SPAG16: variants seen among roughly 807,000 people sequenced by gnomAD.
SPAG16 encodes sperm associated antigen 16, also known as sperm-associated antigen 16 protein.
SPAG16 carries 86 observed loss-of-function variants against 80.4 expected under a neutral mutation model. That is an observed-to-expected ratio of 1.07 (90% CI 0.90 to 1.28). The LOEUF (loss-of-function observed/expected upper bound fraction) is 1.28, where lower values mean the gene tolerates loss of function less well. Among genes scored for constraint, SPAG16 ranks in the 50% most tolerant of loss-of-function variants. SPAG16 has a pLI of 0.00. For missense variants in SPAG16, 870 were observed against 765.3 expected (o/e 1.14, Z -1.61); for synonymous variants, 294 against 265.9 (o/e 1.11, Z -1.03).
At chr2:213,513,648 A>T (rs911962918) in intron 10 of SPAG16, among the ~76,000 whole-genome samples, 2 of 152,188 alleles carry the variant, frequency 1.3e-5, no homozygotes, top group African/African-American at 4.8e-5. Context: ...AGTGTTATAC[A>T]TTTTCAGAGC....
chr2:213,403,333 T>C (rs1381939041), intron 9 of SPAG16, among the ~76,000 whole-genome samples: 1 of 152,200 alleles, frequency 6.6e-6, no homozygotes, highest in Non-Finnish European at 1.5e-5. Flanking sequence ...ACTAGCCCTT[T>C]GTCAGATGAG....
chr2:213,995,086 G>T (rs2046455704), intron 12 of SPAG16, among the ~76,000 whole-genome samples: 4 of 152,198 alleles, frequency 2.6e-5, no homozygotes, highest in Admixed American at 2.0e-4. Context: ...TAGTTGAGAA[G>T]ACTTCTCATG....
intron 9 of SPAG16, among the ~76,000 whole-genome samples, chr2:213,441,341 C>G (rs2070941611): frequency 6.6e-6 from 1 of 152,066 alleles, no homozygotes; most frequent in East Asian, 1.9e-4. Flanking sequence ...TAATATGGAG[C>G]AAAATGAATG....
chr2:213,514,307 C>A (rs1472961019), intron 10 of SPAG16, among the ~76,000 whole-genome samples: 1 of 151,992 alleles, frequency 6.6e-6, no homozygotes, highest in Admixed American at 6.6e-5. Flanking sequence ...ACTTTACTTC[C>A]TAAATAAATG....
intron 3 of SPAG16, among the ~76,000 whole-genome samples, chr2:213,305,331 T>G (rs1017420790): frequency 5.3e-5 from 8 of 152,186 alleles, no homozygotes; most frequent in African/African-American, 1.9e-4. Flanking sequence ...TCCTTTCTGA[T>G]TTGGATGCCC....
At chr2:213,998,236 T>C (rs2046620065) in intron 12 of SPAG16, among the ~76,000 whole-genome samples, 1 of 152,122 alleles carries the variant, frequency 6.6e-6, no homozygotes, top group African/African-American at 2.4e-5. Context: ...TGGTTTGGCT[T>C]TGTGTCCCCA....
intron 14 of SPAG16, among the ~76,000 whole-genome samples, chr2:214,129,211 C>T (rs886225045): frequency 1.3e-5 from 2 of 152,166 alleles, no homozygotes; most frequent in African/African-American, 4.8e-5. Context: ...GCAAATTCTA[C>T]CTGCCTTGGC....
chr2:213,541,032 A>C (rs1271054431), intron 10 of SPAG16, among the ~76,000 whole-genome samples: 1 of 152,270 alleles, frequency 6.6e-6, no homozygotes, highest in South Asian at 2.1e-4. Flanking sequence ...TTTCCTCTGC[A>C]TGGTTAATAT....
At chr2:213,531,229 C>T (rs2076054323) in intron 10 of SPAG16, among the ~76,000 whole-genome samples, 1 of 152,136 alleles carries the variant, frequency 6.6e-6, no homozygotes, top group Non-Finnish European at 1.5e-5. Flanking sequence ...GCAATGTGCT[C>T]AGGCTTCAAT....
At chr2:214,005,919 T>C (rs531149205) in intron 12 of SPAG16, among the ~76,000 whole-genome samples, 14 of 152,296 alleles carry the variant, frequency 9.2e-5, no homozygotes, top group Admixed American at 5.2e-4. Context: ...GGGATTTAAA[T>C]AGGTTTCACT....
chr2:213,317,627 T>C, intron 5 of SPAG16: 1 of 1,065,448 alleles, frequency 9.4e-7, no homozygotes, highest in Non-Finnish European at 1.1e-6. Context: ...GTGTATTTGA[T>C]AGTCTTTTCA....
At chr2:213,680,329 T>C (rs1218640133) in intron 10 of SPAG16, among the ~76,000 whole-genome samples, 1 of 152,102 alleles carries the variant, frequency 6.6e-6, no homozygotes, top group Non-Finnish European at 1.5e-5. Context: ...GTAAGCCATT[T>C]GAGTCCTTAT....
At chr2:213,379,143 G>A (rs6751686) in intron 9 of SPAG16, among the ~76,000 whole-genome samples, 137,033 of 152,224 alleles carry the variant, frequency 0.9, 63,437 homozygotes, top group East Asian at 1. Flanking sequence ...AGGCCAGCAG[G>A]ATCAATGTTG....
intron 6 of SPAG16, among the ~76,000 whole-genome samples, chr2:213,348,090 T>C (rs542448882): frequency 3.7e-4 from 57 of 152,330 alleles, no homozygotes; most frequent in African/African-American, 1.3e-3. Context: ...TGCACATATA[T>C]TTAGGATAGT....
intron 11 of SPAG16, among the ~76,000 whole-genome samples, chr2:213,874,950 T>C (rs560227405): frequency 8.5e-4 from 129 of 152,120 alleles, no homozygotes; most frequent in Non-Finnish European, 1.6e-3. Context: ...TATAGAAATA[T>C]TATTTTTTAA....
chr2:213,916,286 T>C (rs914601099), intron 11 of SPAG16, among the ~76,000 whole-genome samples: 1 of 152,208 alleles, frequency 6.6e-6, no homozygotes, highest in Non-Finnish European at 1.5e-5. Flanking sequence ...GAGTTAATTT[T>C]TGTATAAGGT....
intron 9 of SPAG16, among the ~76,000 whole-genome samples, chr2:213,433,324 T>C (rs151129359): frequency 6.6e-6 from 1 of 152,312 alleles, no homozygotes; most frequent in East Asian, 1.9e-4. Flanking sequence ...TTTCTATTCA[T>C]TGATGATCTT....
chr2:214,215,400 C>A (rs1344232291), intron 15 of SPAG16, among the ~76,000 whole-genome samples: 1 of 152,192 alleles, frequency 6.6e-6, no homozygotes, highest in East Asian at 1.9e-4. Flanking sequence ...CCTATCAGGC[C>A]ACCTTTGATT....
intron 10 of SPAG16, among the ~76,000 whole-genome samples, chr2:213,853,324 C>G (rs143491658): frequency 6.6e-6 from 1 of 152,270 alleles, no homozygotes; most frequent in African/African-American, 2.4e-5. Flanking sequence ...CATACACCTA[C>G]ACACACTCCC....
Sources: allele counts gnomAD v4.1 joint callset (sites outside exome capture counted in the v4.1 genomes callset), GRCh38; gene constraint gnomAD v4.1.1; transcripts MANE v1.5; gene names NCBI Gene and HGNC (gene_info 2026-07-23, HGNC 2026-07-21).